The following CACNA1D variants were observed in gnomAD, a reference collection of about 807,000 sequenced individuals.
CACNA1D encodes voltage-dependent L-type calcium channel subunit alpha-1D.
In CACNA1D, 55 loss-of-function variants were observed where a neutral mutation model predicts 257.1. The observed-to-expected ratio is 0.21, with a 90% CI of 0.17 to 0.27. CACNA1D has a LOEUF of 0.27. Among genes scored for constraint, CACNA1D ranks in the 10% least tolerant of loss-of-function variants. The pLI is 1.00. For synonymous variants in CACNA1D, 980 were observed against 1,014.9 expected, an observed-to-expected ratio of 0.97 and a Z score of 0.65; for missense variants, 1,876 against 2,784.0, an observed-to-expected ratio of 0.67 and a Z score of 7.34.
At chr3:53,724,071 C>A in intron 14 of CACNA1D, 72 bp downstream of exon 14, 1 of 1,208,972 alleles carries the variant, frequency 8.3e-7, no homozygotes, top group Non-Finnish European at 1.2e-6. Flanking sequence ...TTCTTGTCTG[C>A]TCACACTCAG....
chr3:53,730,248 T>C (rs1414617820), intron 15 of CACNA1D, among the ~76,000 whole-genome samples, 194 bp from the exon 16 acceptor site: 1 of 92,662 alleles, frequency 1.1e-5, no homozygotes, highest in East Asian at 1.9e-4. Flanking sequence ...GTTTTTACTT[T>C]TGTTTTGTTT....
intron 3 of CACNA1D, among the ~76,000 whole-genome samples, chr3:53,619,436 G>C (rs2093672375): frequency 6.6e-6 from 1 of 152,220 alleles, no homozygotes; most frequent in African/African-American, 2.4e-5. Context: ...GGCACTGTGA[G>C]GTGCTGGAAA....
At chr3:53,797,426 A>T (rs2095512707) in intron 40 of CACNA1D, among the ~76,000 whole-genome samples, 2 of 152,206 alleles carry the variant, frequency 1.3e-5, no homozygotes, top group South Asian at 2.1e-4. Context: ...GAACAAGCAG[A>T]ATATAATCAT....
chr3:53,748,502 C>T (rs1438868686), intron 26 of CACNA1D, among the ~76,000 whole-genome samples: 1 of 152,176 alleles, frequency 6.6e-6, no homozygotes, highest in Non-Finnish European at 1.5e-5. Flanking sequence ...TAGTGTCAGG[C>T]TTTGAACACT....
chr3:53,695,942 G>A (rs999945037), intron 8 of CACNA1D, among the ~76,000 whole-genome samples: 1 of 152,116 alleles, frequency 6.6e-6, no homozygotes, highest in Non-Finnish European at 1.5e-5. Flanking sequence ...CTGACAGGAA[G>A]CCTGTTTTCG....
chr3:53,700,849 CTT>C (rs10627760), intron 8 of CACNA1D, among the ~76,000 whole-genome samples: 1 of 147,014 alleles, frequency 6.8e-6, no homozygotes, highest in African/African-American at 2.5e-5. Context: ...TTTTTCTTTT[CTT>C]TTTTTTTTCC....
At position 53,774,375 on chromosome 3, in the gene CACNA1D, G is replaced by T; in HGVS notation, c.4111-212G>T. 1 of 554,904 alleles carries T rather than the reference G, an allele frequency of 1.8e-6. No individual in the cohort carries two copies. The highest frequency in any genetic ancestry group is 2.0e-5 in the South Asian group (1 of 50,054). The allele number at this position is 554,904 out of a possible 1,614,324, so 34.4% of individuals were successfully genotyped here. A position where few individuals can be genotyped will look rare whatever the true frequency, so the allele number is the denominator to read the frequency against. ...AGGGGAGATCCGCGAATGTGAGACC[G>T]TGCCCCTCTGGAGCACCACGTTCCC... On this transcript the variant is annotated intron_variant, in intron 33 of 47. Coordinates refer to ENST00000350061, the MANE Select transcript of CACNA1D (RefSeq NM_001128840.3). This position sits in a 1 kb window ranked among gnomAD's most constrained non-coding sequence, Gnocchi z 4.3.
At chr3:53,752,358 G>T (rs1439785803) in intron 28 of CACNA1D, among the ~76,000 whole-genome samples, 1 of 152,128 alleles carries the variant, frequency 6.6e-6, no homozygotes, top group African/African-American at 2.4e-5. Context: ...TTAGAGATAA[G>T]GTTTATGCTG....
intron 3 of CACNA1D, among the ~76,000 whole-genome samples, chr3:53,575,894 T>G (rs943514649): frequency 1.3e-5 from 2 of 152,250 alleles, no homozygotes; most frequent in African/African-American, 4.8e-5. Flanking sequence ...TCAAAACATC[T>G]TGTTAGAAAT....
intron 3 of CACNA1D, among the ~76,000 whole-genome samples, chr3:53,633,448 C>T (rs1026452698): frequency 8.4e-5 from 9 of 107,668 alleles, no homozygotes; most frequent in African/African-American, 3.0e-4. Flanking sequence ...GAGACTCTGT[C>T]TTAAAAAACA....
intron 4 of CACNA1D, among the ~76,000 whole-genome samples, chr3:53,657,824 A>G (rs1488374412): frequency 6.6e-6 from 1 of 152,196 alleles, no homozygotes; most frequent in African/African-American, 2.4e-5. Context: ...AAGATTCCCA[A>G]TAGTCAAGAC....
intron 35 of CACNA1D, 60 bp from the exon 36 acceptor site, chr3:53,776,543 C>T: frequency 6.2e-7 from 1 of 1,605,710 alleles, no homozygotes; most frequent in Non-Finnish European, 8.5e-7. Flanking sequence ...AAAGCCTGTG[C>T]TCAGTTCTAA....
chr3:53,650,554 G>C (rs938512021), intron 3 of CACNA1D, among the ~76,000 whole-genome samples: 1 of 152,248 alleles, frequency 6.6e-6, no homozygotes, highest in Non-Finnish European at 1.5e-5. Flanking sequence ...AGCCTGGAAC[G>C]AAAAGTGTTG....
rs2070617 is a variant in CACNA1D at position 53,724,022 on chromosome 3, G to A, written c.2100+23G>A. ...CAGGTGAGTCCTCCCTCCATTCCCC[G>A]AAAAGCACTTCGTGAGCAGCAGCTA... is the stretch of plus-strand genomic sequence containing the variant. On this transcript the variant is annotated intron_variant, in intron 14 of 47. Transcript: ENST00000350061. 279,860 of 1,589,770 alleles carry A rather than the reference G, an allele frequency of 0.18. 30,413 individuals are homozygous for A. The highest frequency in any genetic ancestry group is 0.52 in the East Asian group (23,398 of 44,728).
At chr3:53,708,040 C>CATA (rs1559548270) in intron 9 of CACNA1D, among the ~76,000 whole-genome samples, 5 of 152,206 alleles carry the variant, frequency 3.3e-5, no homozygotes, top group Admixed American at 6.5e-5. Context: ...CCTGCCTGCC[C>CATA]GGGGACTCTG....
rs1376706905 is a variant in CACNA1D, at chr3:53,495,403, C to T, written c.67+170C>T. On this transcript the variant is annotated intron_variant, in intron 1 of 47. Coordinates refer to ENST00000350061, the MANE Select transcript of CACNA1D (RefSeq NM_001128840.3). This position sits in a 1 kb window ranked among gnomAD's most constrained non-coding sequence, Gnocchi z 5.1. The stretch of plus-strand genomic sequence containing the variant: ...ACATGCGTGACAGCCACTCCGCGCT[C>T]CCCTCCAGGCCCTGAATGTCAGAGT... Among the ~76,000 whole-genome samples the T allele has an allele frequency of 6.6e-6, 1 of 152,196 alleles. No individual in the cohort carries two copies. The highest frequency in any genetic ancestry group is 1.5e-5 in the Non-Finnish European group (1 of 68,036).
At chr3:53,659,492 A>G (rs528908319) in intron 4 of CACNA1D, among the ~76,000 whole-genome samples, 11 of 152,214 alleles carry the variant, frequency 7.2e-5, no homozygotes, top group Non-Finnish European at 7.3e-5. Flanking sequence ...TTCATCAGAT[A>G]TTTTTGGAGT....
intron 34 of CACNA1D, among the ~76,000 whole-genome samples, chr3:53,775,596 A>G (rs939405830): frequency 1.3e-5 from 2 of 152,174 alleles, no homozygotes; most frequent in Admixed American, 6.5e-5. Flanking sequence ...AATTATACAA[A>G]TGTTTAAAGT....
intron 30 of CACNA1D, among the ~76,000 whole-genome samples, chr3:53,764,987 C>A (rs62250875): frequency 0.043 from 6,576 of 152,282 alleles, 186 homozygotes; most frequent in Middle Eastern, 0.11. Context: ...CAGCAGAACA[C>A]CACCTTCAGA....
Sources: gnomAD v4.1 joint callset for allele counts (sites outside exome capture counted in the v4.1 genomes callset) on GRCh38, gnomAD v4.1.1 for gene constraint, Gnocchi (gnomAD v3.1) non-coding constraint, MANE v1.5 for transcripts, NCBI Gene and HGNC (gene_info 2026-07-23, HGNC 2026-07-21) for gene names.